CDH12: variants seen among roughly 807,000 people sequenced by gnomAD.
CDH12 encodes cadherin-12.
In CDH12, 41 loss-of-function variants were observed where a neutral mutation model predicts 74.1. That is an observed-to-expected ratio of 0.55 (90% CI 0.43 to 0.72). The LOEUF is 0.72. Among genes scored for constraint, CDH12 ranks in the 30% least tolerant of loss-of-function variants. CDH12 has a pLI of 0.00. For missense variants in CDH12, 945 were observed against 977.2 expected, an observed-to-expected ratio of 0.97 and a Z score of 0.44; for synonymous variants, 399 against 355.0, an observed-to-expected ratio of 1.12 and a Z score of -1.39.
chr5:22,082,898 C>A (rs1446266688), intron 4 of CDH12, among the ~76,000 whole-genome samples: 2 of 152,156 alleles, frequency 1.3e-5, no homozygotes, highest in Non-Finnish European at 2.9e-5. Context: ...TTATGCATTT[C>A]TCTCTCAAAG....
Position 22,585,032 on chromosome 5 carries a change from TTTAAACATCTTAGACCTCTCTCCTA to T in CDH12, c.-522-79693_-522-79669del, listed in dbSNP as rs1464689738. 7.9e-5 allele frequency among the ~76,000 whole-genome samples: 12 copies of T among 152,356 alleles called. No individual in the cohort carries two copies. In the South Asian group the frequency reaches 2.1e-3, roughly 26 times the overall value. On this transcript the variant is annotated intron_variant, in intron 1 of 14. Transcript: ENST00000382254. ...TCAGTTACATTTATCACTCACTTCCTTTAAACATCTTAGACCTCTCTCCTATTCAGTATAATTTTACTTGCCTAAA... is the reference window on the plus strand; with the variant it reads ...TCAGTTACATTTATCACTCACTTCCTTTCAGTATAATTTTACTTGCCTAAA...
At chr5:22,364,391 T>C (rs576500444) in intron 3 of CDH12, among the ~76,000 whole-genome samples, 1 of 152,112 alleles carries the variant, frequency 6.6e-6, no homozygotes, top group East Asian at 1.9e-4. Context: ...TATAAGGAGA[T>C]CTGATATAGA....
chr5:21,860,717 G>T (rs1750999718), intron 6 of CDH12, among the ~76,000 whole-genome samples: 1 of 150,768 alleles, frequency 6.6e-6, no homozygotes, highest in African/African-American at 2.5e-5. Context: ...TCAAATATCA[G>T]ACTCCAAGTT....
rs79417839 is a variant in CDH12, at chr5:22,630,037, A to T, written c.-522-124673T>A. 3.0e-3 allele frequency among the ~76,000 whole-genome samples: 455 copies of T among 152,308 alleles called. 5 individuals carry two copies. Among genetic ancestry groups the T allele is most frequent in the African/African-American group, 0.011 (439 of 41,580 alleles). ...TCAAAATAAAATAAAATACCTAGGA[A>T]TACAGCTAAGCAGGAAGGTGAAAGA... On this transcript the variant is annotated intron_variant, in intron 1 of 14. Coordinates refer to ENST00000382254, the MANE Select transcript of CDH12 (RefSeq NM_004061.5).
chr5:21,792,131 T>C (rs1005835498), intron 10 of CDH12, among the ~76,000 whole-genome samples: 2 of 151,902 alleles, frequency 1.3e-5, no homozygotes. Flanking sequence ...TGGAAGACAA[T>C]TAAAGAAAGT....
chr5:21,823,839 A>T (rs1484529138), intron 8 of CDH12, among the ~76,000 whole-genome samples: 1 of 152,146 alleles, frequency 6.6e-6, no homozygotes, highest in East Asian at 1.9e-4. Flanking sequence ...TGTGACTCAC[A>T]GTTTGAATAA....
chr5:22,538,769 G>A (rs574106214), intron 1 of CDH12, among the ~76,000 whole-genome samples: 23 of 152,258 alleles, frequency 1.5e-4, no homozygotes, highest in African/African-American at 5.5e-4. Context: ...TTGTTTGATT[G>A]TGTTCAGAAA....
In CDH12 at chr5:22,318,134, T is replaced by G. The variant is rs141690513; in HGVS notation, c.-333+87123A>C. On this transcript the variant is annotated intron_variant, in intron 3 of 14. Transcript: ENST00000382254. ...AACAATCAGTAGAGTAACTTCGATGTGCCAAGTGGAGTGTCAAATCAAATC... is the reference window on the plus strand; with the variant it reads ...AACAATCAGTAGAGTAACTTCGATGGGCCAAGTGGAGTGTCAAATCAAATC... 3.4e-3 allele frequency among the ~76,000 whole-genome samples: 522 copies of G among 152,344 alleles called. 2 individuals are homozygous for G. Among genetic ancestry groups the G allele is most frequent in the African/African-American group, 0.012 (486 of 41,580 alleles).
chr5:22,329,997 T>G (rs771470773), intron 3 of CDH12, among the ~76,000 whole-genome samples: 1 of 152,226 alleles, frequency 6.6e-6, no homozygotes, highest in African/African-American at 2.4e-5. Flanking sequence ...TAGGGTGGCA[T>G]GTGACCTATG....
At position 22,794,325 on chromosome 5, in the gene CDH12, A is replaced by G. The variant is rs1424247984; in HGVS notation, c.-523+58733T>C. Reference sequence around the variant, plus strand: ...GTGAAGGAATATTTGAGTACTAGAAAAGAGTCCACTGGATTTTGAATGCCT... The same window carrying G: ...GTGAAGGAATATTTGAGTACTAGAAGAGAGTCCACTGGATTTTGAATGCCT... On this transcript the variant is annotated intron_variant, in intron 1 of 14. Coordinates refer to ENST00000382254, the MANE Select transcript of CDH12 (RefSeq NM_004061.5). Among the ~76,000 whole-genome samples the G allele has an allele frequency of 9.2e-5, 14 of 152,278 alleles. No homozygotes were observed. The East Asian group carries it at 2.5e-3, about 27-fold the overall frequency.
intron 2 of CDH12, among the ~76,000 whole-genome samples, chr5:22,445,256 CTCCAAAACTCTAAGAT>C (rs933942174): frequency 2.0e-4 from 30 of 152,126 alleles, no homozygotes; most frequent in African/African-American, 7.2e-4. Flanking sequence ...CAGCCCCCAC[CTCCAAAACTCTAAGAT>C]TCCTAAGTAA....
At chr5:22,001,597 G>C (rs1417720448) in intron 5 of CDH12, among the ~76,000 whole-genome samples, 3 of 151,960 alleles carry the variant, frequency 2.0e-5, no homozygotes, top group Non-Finnish European at 2.9e-5. Flanking sequence ...CAGGTTATAG[G>C]CATGGTACCC....
intron 3 of CDH12, among the ~76,000 whole-genome samples, chr5:22,248,172 T>A (rs899511197): frequency 6.6e-6 from 1 of 152,104 alleles, no homozygotes; most frequent in African/African-American, 2.4e-5. Flanking sequence ...TGGTAGTGCA[T>A]GCCTGTAATC....
intron 14 of CDH12, 84 bp from the exon 15 acceptor site, chr5:21,752,320 G>C (rs1399976003): frequency 5.4e-6 from 7 of 1,289,394 alleles, no homozygotes; most frequent in Non-Finnish European, 6.4e-6. Flanking sequence ...AATGATTAGG[G>C]GTGGCTGAGT....
chr5:22,463,495 A>C (rs546011346), intron 2 of CDH12, among the ~76,000 whole-genome samples: 13 of 152,286 alleles, frequency 8.5e-5, no homozygotes, highest in Non-Finnish European at 1.8e-4. Flanking sequence ...CAGAAAACAC[A>C]TAAAAATGTC....
chr5:22,261,573 A>G (rs1263181571), intron 3 of CDH12, among the ~76,000 whole-genome samples: 1 of 152,104 alleles, frequency 6.6e-6, no homozygotes, highest in African/African-American at 2.4e-5. Context: ...ATAAGGTCAC[A>G]GTCTGAAGTA....
At chr5:22,322,259 C>T (rs1368483308) in intron 3 of CDH12, among the ~76,000 whole-genome samples, 1 of 152,016 alleles carries the variant, frequency 6.6e-6, no homozygotes, top group African/African-American at 2.4e-5. Flanking sequence ...TAGGATTCCG[C>T]TCATGGAGTT....
chr5:22,408,164 A>G (rs1427570572), intron 2 of CDH12, among the ~76,000 whole-genome samples: 2 of 150,042 alleles, frequency 1.3e-5, no homozygotes, highest in Non-Finnish European at 2.9e-5. Context: ...AGCAAAACCT[A>G]TAGCAAAATG....
intron 3 of CDH12, among the ~76,000 whole-genome samples, chr5:22,270,431 T>C (rs1460899365): frequency 3.3e-5 from 5 of 151,434 alleles, no homozygotes; most frequent in Admixed American, 2.0e-4. Context: ...CCATCTCTAC[T>C]AAAAATACAA....
Sources: allele counts gnomAD v4.1 joint callset (sites outside exome capture counted in the v4.1 genomes callset), GRCh38; gene constraint gnomAD v4.1.1; transcripts MANE v1.5; gene names NCBI Gene and HGNC (gene_info 2026-07-23, HGNC 2026-07-21).